Variants in PKIB observed in about 807,000 individuals in gnomAD.
PKIB encodes cAMP-dependent protein kinase inhibitor beta.
PKIB carries 2 observed loss-of-function variants against 4.5 expected under a neutral mutation model. The observed-to-expected ratio is 0.44, with a 90% CI of 0.18 to 1.39. The LOEUF (loss-of-function observed/expected upper bound fraction) is 1.39. Among genes scored for constraint, PKIB ranks in the 40% most tolerant of loss-of-function variants. The pLI is 0.27. For missense variants in PKIB, 94 were observed against 92.6 expected (o/e 1.02, Z -0.06); for synonymous variants, 38 against 36.0 (o/e 1.06, Z -0.20).
intron 2 of PKIB, among the ~76,000 whole-genome samples, chr6:122,511,108 A>G (rs1776572711): frequency 1.3e-5 from 2 of 151,970 alleles, no homozygotes; most frequent in South Asian, 4.2e-4. Flanking sequence ...CTGTGACTCA[A>G]CCTCATCATT....
intron 2 of PKIB, among the ~76,000 whole-genome samples, chr6:122,503,226 G>T (rs1484352693): frequency 6.6e-6 from 1 of 152,158 alleles, no homozygotes; most frequent in East Asian, 1.9e-4. Context: ...ATTTGCAGGG[G>T]ACATGAACAT....
At chr6:122,691,915 C>T (rs1205762227) in intron 3 of PKIB, among the ~76,000 whole-genome samples, 7 of 152,178 alleles carry the variant, frequency 4.6e-5, no homozygotes, top group African/African-American at 1.7e-4. Flanking sequence ...ACCCCAAGCC[C>T]AGTAACACTG....
At chr6:122,504,978 G>T (rs565922660) in intron 2 of PKIB, among the ~76,000 whole-genome samples, 2 of 152,162 alleles carry the variant, frequency 1.3e-5, no homozygotes, top group Non-Finnish European at 2.9e-5. Flanking sequence ...GCTGCAAAAC[G>T]CCCCGAGCTC....
intron 2 of PKIB, among the ~76,000 whole-genome samples, chr6:122,571,018 T>G (rs1048431636): frequency 6.6e-6 from 1 of 151,152 alleles, no homozygotes; most frequent in Non-Finnish European, 1.5e-5. Context: ...AGGATATGAA[T>G]GAAAAAATTT....
At chr6:122,676,763 C>A (rs1455345671) in intron 3 of PKIB, among the ~76,000 whole-genome samples, 1 of 152,164 alleles carries the variant, frequency 6.6e-6, no homozygotes, top group African/African-American at 2.4e-5. Context: ...AAGACCTCAG[C>A]AATTGTTTAA....
chr6:122,633,010 C>T (rs1439446138), intron 1 of PKIB, among the ~76,000 whole-genome samples: 1 of 152,026 alleles, frequency 6.6e-6, no homozygotes, highest in Non-Finnish European at 1.5e-5. Flanking sequence ...GAATGGTGAA[C>T]AAAATAATAC....
intron 2 of PKIB, chr6:122,481,706 TGTAAA>T (rs1213235845): frequency 3.3e-5 from 5 of 152,128 alleles, no homozygotes; most frequent in Non-Finnish European, 7.3e-5. Context: ...ACACACATTG[TGTAAA>T]GTAAACAAGA....
chr6:122,493,065 C>A (rs1177546333), intron 2 of PKIB, among the ~76,000 whole-genome samples: 1 of 152,154 alleles, frequency 6.6e-6, no homozygotes, highest in African/African-American at 2.4e-5. Context: ...CTAAACTCAA[C>A]TTCATTAATT....
chr6:122,498,131 T>A (rs1293480667), intron 2 of PKIB, among the ~76,000 whole-genome samples: 1 of 152,216 alleles, frequency 6.6e-6, no homozygotes, highest in African/African-American at 2.4e-5. Context: ...TCTGTTTTTA[T>A]GCTGCTGATA....
chr6:122,689,838 G>T (rs1264148180), intron 3 of PKIB, among the ~76,000 whole-genome samples: 1 of 152,126 alleles, frequency 6.6e-6, no homozygotes, highest in Non-Finnish European at 1.5e-5. Flanking sequence ...TCTGTCCAGT[G>T]CTGCAAGTGG....
Position 122,600,972 on chromosome 6 carries a change from A to G in PKIB, c.-161+14965A>G, listed in dbSNP as rs117688662. Among the ~76,000 whole-genome samples the G allele has an allele frequency of 7.2e-5, 11 of 152,310 alleles. No individual in the cohort carries two copies. In the East Asian group the frequency reaches 1.3e-3, roughly 19 times the overall value. On this transcript the variant is annotated intron_variant, in intron 3 of 6. Transcript: ENST00000392491. ...AAGATTGAGCATGTTAAATAGAGAT[A>G]CGGAAGATATGGAAAAAAACCAGAT...
intron 2 of PKIB, chr6:122,483,582 A>G (rs12524374): frequency 0.093 from 14,192 of 152,288 alleles, 813 homozygotes; most frequent in South Asian, 0.14. Flanking sequence ...ATACCCAGAG[A>G]TGAGTAACTC....
intron 1 of PKIB, among the ~76,000 whole-genome samples, chr6:122,613,776 C>T (rs371110852): frequency 4.6e-5 from 7 of 151,724 alleles, no homozygotes; most frequent in African/African-American, 1.7e-4. Flanking sequence ...CCATCCTAGC[C>T]AACATGGTGA....
chr6:122,673,786 A>G (rs1777557871), intron 2 of PKIB, among the ~76,000 whole-genome samples: 1 of 152,214 alleles, frequency 6.6e-6, no homozygotes, highest in African/African-American at 2.4e-5. Context: ...CATGCCCTCA[A>G]AAGGCTTAAA....
chr6:122,549,485 A>G (rs1772605265), intron 2 of PKIB, among the ~76,000 whole-genome samples: 1 of 152,060 alleles, frequency 6.6e-6, no homozygotes, highest in Admixed American at 6.5e-5. Context: ...TAACCTTGTG[A>G]GTTCCTTGAA....
intron 1 of PKIB, among the ~76,000 whole-genome samples, chr6:122,476,957 G>A (rs1775464227): frequency 6.6e-6 from 1 of 152,078 alleles, no homozygotes; most frequent in African/African-American, 2.4e-5. Context: ...TTAAGGCAAC[G>A]TCTAAATCAG....
intron 3 of PKIB, among the ~76,000 whole-genome samples, chr6:122,688,286 C>T (rs9398688): frequency 0.25 from 38,710 of 152,106 alleles, 5,521 homozygotes; most frequent in East Asian, 0.55. Flanking sequence ...ACCATACTCT[C>T]ATCCCAGGGA....
intron 2 of PKIB, among the ~76,000 whole-genome samples, chr6:122,506,702 T>C (rs897820579): frequency 6.9e-6 from 1 of 145,860 alleles, no homozygotes; most frequent in Non-Finnish European, 1.5e-5. Flanking sequence ...TAATTTTTTT[T>C]TTTTTTTTTT....
intron 2 of PKIB, among the ~76,000 whole-genome samples, chr6:122,505,863 A>T (rs1053782676): frequency 6.6e-6 from 1 of 152,096 alleles, no homozygotes; most frequent in Non-Finnish European, 1.5e-5. Context: ...AGTCTATATA[A>T]GATTATTTAT....
Sources: allele counts gnomAD v4.1 joint callset (sites outside exome capture counted in the v4.1 genomes callset), GRCh38; gene constraint gnomAD v4.1.1; transcripts MANE v1.5; gene names NCBI Gene and HGNC (gene_info 2026-07-23, HGNC 2026-07-21).